Variants in ROBO2 observed in about 807,000 individuals in gnomAD.
The protein encoded by ROBO2 is roundabout homolog 2.
In ROBO2, 53 loss-of-function variants were observed where a neutral mutation model predicts 160.8. The observed-to-expected ratio is 0.33, with a 90% CI of 0.26 to 0.41. The LOEUF (loss-of-function observed/expected upper bound fraction) is 0.41, where lower values mean the gene tolerates loss of function less well. Ranked by LOEUF, ROBO2 falls within the 10% of genes least tolerant of loss-of-function variation. The probability of loss-of-function intolerance (pLI) is 1.00; values close to 1 mark genes in which losing one functional copy is unlikely to be tolerated. For synonymous variants in ROBO2, 664 were observed against 611.7 expected (o/e 1.09, Z -1.26); for missense variants, 1,577 against 1,722.4 (o/e 0.92, Z 1.49).
intron 4 of ROBO2, among the ~76,000 whole-genome samples, chr3:77,490,919 C>T (rs1431041780): frequency 1.3e-5 from 2 of 152,198 alleles, no homozygotes; most frequent in African/African-American, 4.8e-5. Context: ...ACCTAATTCA[C>T]GACTTTATGT....
At chr3:76,643,419 A>G (rs994076868) in intron 2 of ROBO2, among the ~76,000 whole-genome samples, 1 of 152,194 alleles carries the variant, frequency 6.6e-6, no homozygotes, top group Non-Finnish European at 1.5e-5. Flanking sequence ...AGAAAGAAAT[A>G]TCGTTTTTGA....
chr3:76,016,853 T>C (rs1167954014), intron 2 of ROBO2, among the ~76,000 whole-genome samples: 2 of 152,004 alleles, frequency 1.3e-5, no homozygotes, highest in African/African-American at 2.4e-5. Context: ...TTCCTAAAAA[T>C]AATTTGCCAG....
chr3:76,195,857 C>A (rs375614969), intron 2 of ROBO2, among the ~76,000 whole-genome samples: 4 of 152,240 alleles, frequency 2.6e-5, no homozygotes, highest in Admixed American at 1.3e-4. Flanking sequence ...TTGTGCATTG[C>A]AAAGGGGTGT....
intron 2 of ROBO2, among the ~76,000 whole-genome samples, chr3:77,310,332 G>A (rs2063438895): frequency 6.6e-6 from 1 of 152,136 alleles, no homozygotes; most frequent in Non-Finnish European, 1.5e-5. Flanking sequence ...GAATGTTGCA[G>A]CCAATTGAGA....
chr3:76,706,129 C>G (rs959736760), intron 2 of ROBO2, among the ~76,000 whole-genome samples: 2 of 152,000 alleles, frequency 1.3e-5, no homozygotes, highest in African/African-American at 4.8e-5. Flanking sequence ...GGCATTTTAA[C>G]TTGAAGTATT....
At chr3:76,713,052 A>C (rs1332980902) in intron 2 of ROBO2, among the ~76,000 whole-genome samples, 1 of 152,184 alleles carries the variant, frequency 6.6e-6, no homozygotes, top group Non-Finnish European at 1.5e-5. Flanking sequence ...CAATAAGTTA[A>C]TTGTCTTTTA....
chr3:76,427,141 A>G (rs2076252218), intron 2 of ROBO2, among the ~76,000 whole-genome samples: 1 of 152,080 alleles, frequency 6.6e-6, no homozygotes, highest in African/African-American at 2.4e-5. Context: ...GCCCTTCACA[A>G]TGCAGGATTT....
chr3:77,305,456 A>T (rs1023072580), intron 2 of ROBO2, among the ~76,000 whole-genome samples: 4 of 152,212 alleles, frequency 2.6e-5, no homozygotes, highest in Non-Finnish European at 5.9e-5. Flanking sequence ...ATCTAAGCTG[A>T]CACATTTGAG....
chr3:76,244,040 C>T (rs1374822812), intron 2 of ROBO2, among the ~76,000 whole-genome samples: 1 of 152,152 alleles, frequency 6.6e-6, no homozygotes, highest in East Asian at 1.9e-4. Context: ...TATGTATTTA[C>T]TGTGCCAGGC....
At chr3:76,935,994 C>T (rs2077674707) in intron 2 of ROBO2, among the ~76,000 whole-genome samples, 1 of 152,078 alleles carries the variant, frequency 6.6e-6, no homozygotes. Context: ...ACATAAGTGG[C>T]CAATTCTTTT....
intron 2 of ROBO2, among the ~76,000 whole-genome samples, chr3:77,330,996 G>C (rs1307026138): frequency 1.3e-5 from 2 of 152,172 alleles, no homozygotes; most frequent in Non-Finnish European, 2.9e-5. Flanking sequence ...GATGTAGACT[G>C]TGTCACTCAG....
intron 2 of ROBO2, among the ~76,000 whole-genome samples, chr3:76,174,849 CTT>C: frequency 6.6e-6 from 1 of 152,032 alleles, no homozygotes. Context: ...TATATGGGCT[CTT>C]TTTTGGTTCC....
chr3:76,106,431 A>T (rs1272793446), intron 2 of ROBO2, among the ~76,000 whole-genome samples: 1 of 152,180 alleles, frequency 6.6e-6, no homozygotes, highest in Non-Finnish European at 1.5e-5. Context: ...ATGTATATAT[A>T]GTCCCAAAGT....
chr3:77,129,120 C>A (rs1385245594), intron 2 of ROBO2, among the ~76,000 whole-genome samples: 2 of 151,416 alleles, frequency 1.3e-5, no homozygotes, highest in Non-Finnish European at 2.9e-5. Context: ...GTCTTTTTTT[C>A]TACTAATTAT....
chr3:76,397,310 T>A (rs915862710), intron 2 of ROBO2, among the ~76,000 whole-genome samples: 2 of 152,080 alleles, frequency 1.3e-5, no homozygotes, highest in Non-Finnish European at 2.9e-5. Flanking sequence ...TTACACCTTA[T>A]ACAAAAATTA....
chr3:76,819,561 G>A (rs1246129823), intron 2 of ROBO2, among the ~76,000 whole-genome samples: 1 of 152,062 alleles, frequency 6.6e-6, no homozygotes, highest in Admixed American at 6.6e-5. Flanking sequence ...GAAGGAAATA[G>A]CATGGTGGTG....
intron 2 of ROBO2, among the ~76,000 whole-genome samples, chr3:76,877,599 C>A (rs12488287): frequency 0.055 from 8,319 of 152,200 alleles, 274 homozygotes; most frequent in South Asian, 0.13. Context: ...CACTTTGTAT[C>A]TTCGAAAGTT....
chr3:77,636,910 T>A (rs2095273057), intron 24 of ROBO2, among the ~76,000 whole-genome samples: 1 of 152,304 alleles, frequency 6.6e-6, no homozygotes, highest in African/African-American at 2.4e-5. Flanking sequence ...TGAATTAAAA[T>A]ATGTATCCTG....
chr3:76,143,046 T>C (rs1446867401), intron 2 of ROBO2, among the ~76,000 whole-genome samples: 2 of 151,742 alleles, frequency 1.3e-5, no homozygotes, highest in East Asian at 3.9e-4. Context: ...GTATTTGAGA[T>C]AGGAACTTCT....
Sources: gnomAD v4.1 joint callset for allele counts (sites outside exome capture counted in the v4.1 genomes callset) on GRCh38, gnomAD v4.1.1 for gene constraint, MANE v1.5 for transcripts, NCBI Gene and HGNC (gene_info 2026-07-23, HGNC 2026-07-21) for gene names.